Variants in COL5A2 observed in about 807,000 individuals in gnomAD.
The protein encoded by COL5A2 is collagen type V alpha 2 chain.
In COL5A2, 23 loss-of-function variants were observed where a neutral mutation model predicts 208.2. That is an observed-to-expected ratio of 0.11 (90% confidence interval 0.08 to 0.16). The LOEUF is 0.16. Among genes scored for constraint, COL5A2 ranks in the 10% least tolerant of loss-of-function variants. COL5A2 has a pLI of 1.00. For synonymous variants in COL5A2, 625 were observed against 628.5 expected (o/e 0.99, Z 0.08); for missense variants, 1,590 against 1,956.4 (o/e 0.81, Z 3.53).
At chr2:189,349,351 T>G in the COL5A2 span, among the ~76,000 whole-genome samples, 1 of 152,114 alleles carries the variant, frequency 6.6e-6, no homozygotes, top group African/African-American at 2.4e-5. Context: ...GAACAATAAC[T>G]AAAAGTCATG....
intron 8 of COL5A2, 121 bp from the exon 9 acceptor site, chr2:189,086,891 A>T: frequency 2.5e-6 from 2 of 800,454 alleles, no homozygotes; most frequent in Non-Finnish European, 4.2e-6. Context: ...GGGGATGATG[A>T]CATTCTCCAT....
chr2:189,060,690 C>T, intron 31 of COL5A2, 40 bp downstream of exon 31: 1 of 1,516,832 alleles, frequency 6.6e-7, no homozygotes. Flanking sequence ...ATTGAGCCAG[C>T]AATGTATAGT....
intron 1 of COL5A2, among the ~76,000 whole-genome samples, chr2:189,162,067 C>A (rs1268762250): frequency 2.0e-5 from 3 of 152,142 alleles, no homozygotes; most frequent in Non-Finnish European, 4.4e-5. Flanking sequence ...GAGGCCTTCC[C>A]TGAGCTCCCA....
the COL5A2 span, among the ~76,000 whole-genome samples, chr2:189,421,765 G>C: frequency 6.6e-6 from 1 of 152,132 alleles, no homozygotes; most frequent in African/African-American, 2.4e-5. Context: ...TTGGGCCTTG[G>C]ACAAATCTCA....
chr2:189,214,084 T>C (rs1338663817), intron 1 of COL5A2, among the ~76,000 whole-genome samples: 3 of 152,206 alleles, frequency 2.0e-5, no homozygotes, highest in Non-Finnish European at 4.4e-5. Context: ...TCTATAGTTA[T>C]TTGTGTACAT....
intron 8 of COL5A2, among the ~76,000 whole-genome samples, chr2:189,087,318 C>T (rs1004816714): frequency 6.6e-6 from 1 of 151,984 alleles, no homozygotes; most frequent in African/African-American, 2.4e-5. Flanking sequence ...ACAGGCTTTC[C>T]TCATTTAAAC....
chr2:189,202,619 A>G (rs185284417), intron 1 of COL5A2, among the ~76,000 whole-genome samples: 130 of 152,264 alleles, frequency 8.5e-4, no homozygotes, highest in African/African-American at 3.0e-3. Context: ...ATAGTAGTAC[A>G]TAAGTGTGGA....
At chr2:189,379,247 T>C in the COL5A2 span, among the ~76,000 whole-genome samples, 4 of 152,146 alleles carry the variant, frequency 2.6e-5, no homozygotes, top group Non-Finnish European at 5.9e-5. Context: ...CTTAACACTT[T>C]TGATTTAAAA....
the COL5A2 span, among the ~76,000 whole-genome samples, chr2:189,235,197 A>G: frequency 4.1e-4 from 62 of 151,684 alleles, no homozygotes; most frequent in Admixed American, 4.1e-3. Context: ...GCTACATACT[A>G]TGACTCAGTA....
At chr2:189,163,006 A>T (rs1350420439) in intron 1 of COL5A2, among the ~76,000 whole-genome samples, 1 of 152,170 alleles carries the variant, frequency 6.6e-6, no homozygotes, top group Non-Finnish European at 1.5e-5. Context: ...ATCTCCCATC[A>T]AACATGATTG....
chr2:189,263,531 A>G, the COL5A2 span, among the ~76,000 whole-genome samples: 1 of 152,088 alleles, frequency 6.6e-6, no homozygotes, highest in East Asian at 1.9e-4. Flanking sequence ...TTCTGGTGAA[A>G]TAAATCTACT....
intron 1 of COL5A2, among the ~76,000 whole-genome samples, chr2:189,219,879 C>T (rs944520399): frequency 6.6e-6 from 1 of 152,024 alleles, no homozygotes; most frequent in African/African-American, 2.4e-5. Context: ...GAGTGCCCCC[C>T]CCCCACTCTT....
At chr2:189,188,065 C>T (rs1326629172) in intron 1 of COL5A2, among the ~76,000 whole-genome samples, 1 of 152,058 alleles carries the variant, frequency 6.6e-6, no homozygotes, top group African/African-American at 2.4e-5. Flanking sequence ...TCCACTCACC[C>T]TCTCATTCTG....
chr2:189,426,921 A>G, the COL5A2 span, among the ~76,000 whole-genome samples: 2 of 152,362 alleles, frequency 1.3e-5, no homozygotes, highest in South Asian at 4.1e-4. Context: ...GCAAAGTGTA[A>G]AAGTTTGGAA....
At chr2:189,164,159 C>T (rs1282762976) in intron 1 of COL5A2, among the ~76,000 whole-genome samples, 2 of 152,156 alleles carry the variant, frequency 1.3e-5, no homozygotes, top group African/African-American at 4.8e-5. Flanking sequence ...AGCTCTCAGT[C>T]ACCTTCTGAC....
intron 1 of COL5A2, among the ~76,000 whole-genome samples, chr2:189,159,883 A>T (rs1559130559): frequency 3.3e-5 from 5 of 151,802 alleles, no homozygotes; most frequent in South Asian, 4.1e-4. Flanking sequence ...CTGTCTCAAA[A>T]AATAATAATA....
chr2:189,094,948 T>C (rs1255313610), intron 6 of COL5A2: 2 of 151,890 alleles, frequency 1.3e-5, no homozygotes, highest in Non-Finnish European at 2.9e-5. Flanking sequence ...GATTTGGCAA[T>C]GTCAAGAAAC....
chr2:189,399,407 C>T, the COL5A2 span, among the ~76,000 whole-genome samples: 1 of 152,010 alleles, frequency 6.6e-6, no homozygotes, highest in African/African-American at 2.4e-5. Flanking sequence ...CCTGCCACCA[C>T]ACCCAGCTAA....
At chr2:189,166,780 G>T (rs1215183805) in intron 1 of COL5A2, among the ~76,000 whole-genome samples, 2 of 152,148 alleles carry the variant, frequency 1.3e-5, no homozygotes, top group South Asian at 2.1e-4. Context: ...TTGAGAAAAA[G>T]ATCTTAAAAG....
Sources: gnomAD v4.1 joint callset for allele counts (sites outside exome capture counted in the v4.1 genomes callset) on GRCh38, gnomAD v4.1.1 for gene constraint, MANE v1.5 for transcripts, NCBI Gene and HGNC (gene_info 2026-07-23, HGNC 2026-07-21) for gene names.